Variants in NLRP5 observed in about 807,000 individuals in gnomAD.
NLRP5 encodes the protein NACHT, LRR and PYD domains-containing protein 5.
NLRP5 carries 93 observed loss-of-function variants against 113.1 expected under a neutral mutation model. The ratio of observed to expected loss-of-function variants is 0.82; its 90% CI spans 0.70 to 0.98. The LOEUF is 0.98. Among genes scored for constraint, NLRP5 ranks in the 50% least tolerant of loss-of-function variants. The pLI is 0.00. For missense variants in NLRP5, 1,808 were observed against 1,514.3 expected (o/e 1.19, Z -3.22); for synonymous variants, 751 against 600.7 (o/e 1.25, Z -3.66).
In NLRP5 at chr19:56,026,997, A is replaced by G. The variant is rs573415564; in HGVS notation, c.764A>G (p.Asn255Ser). Residue 255 changes from asparagine (N) to serine (S), a missense_variant, in exon 7 of 15, where the codon AAC becomes AGC. Physicochemically the swap from Asn to Ser is conservative, Grantham distance 46. Coordinates refer to ENST00000390649, the MANE Select transcript of NLRP5 (RefSeq NM_153447.4). ...GAGGATGTACGTCGTAGTTTTGAAA[A>G]CACTGCTGCTGACTGGCCGGAAATG... The G allele has an allele frequency of 1.2e-4, 183 of 1,551,750 alleles. No individual in the cohort carries two copies. Among genetic ancestry groups the G allele is most frequent in the Middle Eastern group, 1.0e-3 (6 of 5,992 alleles).
At chr19:55,993,149 C>T in the NLRP5 span, among the ~76,000 whole-genome samples, 3 of 151,688 alleles carry the variant, frequency 2.0e-5, no homozygotes, top group Admixed American at 6.6e-5. Flanking sequence ...GCGCCCGGCC[C>T]GAGTGATATT....
intron 14 of NLRP5, among the ~76,000 whole-genome samples, chr19:56,061,174 AAGTGG>A (rs1384323105): frequency 6.6e-6 from 1 of 152,164 alleles, no homozygotes; most frequent in Non-Finnish European, 1.5e-5. Flanking sequence ...GTTCTTTCAT[AAGTGG>A]AGGGGGAGTC....
chr19:55,998,686 A>ATGTGTGTG (rs1374764391), upstream of NLRP5, among the ~76,000 whole-genome samples: 427 of 47,386 alleles, frequency 9.0e-3, 19 homozygotes, highest in South Asian at 0.03. Flanking sequence ...ATATATATAT[A>ATGTGTGTG]TATATATATA....
chr19:56,054,806 T>C (rs1032198266), intron 13 of NLRP5, among the ~76,000 whole-genome samples: 3 of 151,900 alleles, frequency 2.0e-5, no homozygotes, highest in Non-Finnish European at 4.4e-5. Context: ...GTGATGGAAA[T>C]ATTCTGGAAG....
chr19:56,030,523 C>CTTGCCCG (rs1983056281), intron 7 of NLRP5, among the ~76,000 whole-genome samples: 1 of 152,062 alleles, frequency 6.6e-6, no homozygotes, highest in Non-Finnish European at 1.5e-5. Flanking sequence ...GAAAGAACAG[C>CTTGCCCG]TTGCCCGTTA....
chr19:56,011,281 C>A (rs1040600749), intron 3 of NLRP5, among the ~76,000 whole-genome samples: 1 of 151,960 alleles, frequency 6.6e-6, no homozygotes, highest in African/African-American at 2.4e-5. Context: ...TATAAAATGT[C>A]TAGAATCGGC....
At chr19:56,026,453 A>G (rs557912745) in intron 6 of NLRP5, among the ~76,000 whole-genome samples, 1 of 138,264 alleles carries the variant, frequency 7.2e-6, no homozygotes, top group Admixed American at 7.7e-5. Flanking sequence ...GGGTGAACCC[A>G]GGAAGCGGAC....
rs765814912 is a variant in NLRP5 at position 56,028,110 on chromosome 19, T to G, written c.1877T>G (p.Phe626Cys). 6.2e-7 allele frequency: 1 copy of G among 1,613,998 alleles called. No homozygotes were observed. The highest frequency in any genetic ancestry group is 8.5e-7 in the Non-Finnish European group (1 of 1,179,890). Reference sequence around the variant, plus strand: ...TCCATGGAGCTTAAACAGGCAGGCTTCCATATCCACTCGCTTTGGATGAAG... The same window carrying G: ...TCCATGGAGCTTAAACAGGCAGGCTGCCATATCCACTCGCTTTGGATGAAG... The change falls in exon 7 of 15, where the codon TTC becomes TGC. Residue 626 changes from phenylalanine to cysteine, a missense_variant. Phe to Cys is a radical substitution (Grantham distance 205). Transcript: ENST00000390649.
intron 9 of NLRP5, among the ~76,000 whole-genome samples, chr19:56,034,786 C>G (rs1023857995): frequency 6.6e-6 from 1 of 152,028 alleles, no homozygotes; most frequent in Non-Finnish European, 1.5e-5. Flanking sequence ...CTATGGAGTA[C>G]CACAGTTTAA....
At chr19:56,053,562 A>G in intron 12 of NLRP5, 76 bp from the exon 13 acceptor site, 1 of 1,333,572 alleles carries the variant, frequency 7.5e-7, no homozygotes, top group South Asian at 1.4e-5. Flanking sequence ...AACTCCAGTT[A>G]ATGCTGCTGA....
chr19:56,020,320 G>C, intron 5 of NLRP5, 55 bp from the exon 6 acceptor site: 2 of 1,602,920 alleles, frequency 1.2e-6, no homozygotes, highest in Non-Finnish European at 1.7e-6. Flanking sequence ...GGGGGTGTCT[G>C]ACATCTCTGA....
chr19:56,053,583 G>A (rs78747812), intron 12 of NLRP5, 55 bp from the exon 13 acceptor site: 134,908 of 1,503,018 alleles, frequency 0.09, 6,414 homozygotes, highest in African/African-American at 0.13. Context: ...ACCTTCTCCC[G>A]CTGTTCCACT....
At chr19:56,001,038 T>C (rs1048289750) in intron 1 of NLRP5, among the ~76,000 whole-genome samples, 1 of 151,452 alleles carries the variant, frequency 6.6e-6, no homozygotes, top group Admixed American at 6.6e-5. Flanking sequence ...ATATTCAAAT[T>C]TGGCTGGGCG....
chr19:56,007,396 C>G (rs1392289043), intron 2 of NLRP5, among the ~76,000 whole-genome samples: 1 of 148,798 alleles, frequency 6.7e-6, no homozygotes, highest in East Asian at 2.0e-4. Context: ...AGTTCCTATT[C>G]CAGATGAGAG....
intron 14 of NLRP5, 118 bp from the exon 15 acceptor site, chr19:56,061,278 G>A (rs1195161867): frequency 2.1e-5 from 22 of 1,059,410 alleles, no homozygotes; most frequent in East Asian, 1.3e-4. Context: ...TTTGGGGCAC[G>A]TTCCTTAAGA....
intron 13 of NLRP5, among the ~76,000 whole-genome samples, chr19:56,055,342 C>T (rs1236629664): frequency 3.3e-5 from 5 of 151,756 alleles, no homozygotes; most frequent in African/African-American, 1.2e-4. Context: ...GCTCATCACA[C>T]CTTGGTTCTC....
At chr19:56,052,198 G>A (rs1444838125) in intron 12 of NLRP5, among the ~76,000 whole-genome samples, 1 of 151,816 alleles carries the variant, frequency 6.6e-6, no homozygotes, top group Non-Finnish European at 1.5e-5. Flanking sequence ...GCTTTGTTTT[G>A]GTTTGGATTT....
chr19:55,988,883 T>A, the NLRP5 span, among the ~76,000 whole-genome samples: 3 of 152,178 alleles, frequency 2.0e-5, no homozygotes, highest in African/African-American at 7.2e-5. Context: ...TTTCCATGTA[T>A]CCAGGTGGTT....
In NLRP5 at chr19:56,008,816, G is replaced by A. The variant is rs111285381; in HGVS notation, c.471G>A (p.Thr157=). ...ATTCACCAGAAGATCCTGAAGCAAC[G>A]ATGACTGACCAAGGACCAAGCAAGG... The change falls in exon 3 of 15, where the codon ACG becomes ACA. Residue 157 remains threonine (T), a synonymous_variant. Transcript: ENST00000390649. 58 of 1,612,022 alleles carry A rather than the reference G, an allele frequency of 3.6e-5. No homozygotes were observed. The highest frequency in any genetic ancestry group is 4.0e-5 in the African/African-American group (3 of 74,880).
Sources: gnomAD v4.1 joint callset for allele counts (sites outside exome capture counted in the v4.1 genomes callset) on GRCh38, gnomAD v4.1.1 for gene constraint, MANE v1.5 for transcripts, NCBI Gene and HGNC (gene_info 2026-07-23, HGNC 2026-07-21) for gene names.